Variants in MACROD2 observed in about 807,000 individuals in gnomAD.
The protein encoded by MACROD2 is ADP-ribose glycohydrolase MACROD2.
Under a neutral mutation model 70.4 loss-of-function variants are expected in MACROD2, and 36 were observed. The observed-to-expected ratio is 0.51, with a 90% CI of 0.39 to 0.68. The LOEUF (loss-of-function observed/expected upper bound fraction) is 0.68. MACROD2 is among the 30% of genes least tolerant of loss of function. MACROD2 has a pLI of 0.00. For synonymous variants in MACROD2, 172 were observed against 178.8 expected (o/e 0.96, Z 0.30); for missense variants, 496 against 538.4 (o/e 0.92, Z 0.78).
chr20:15,809,095 A>G (rs1439482084), intron 8 of MACROD2, among the ~76,000 whole-genome samples: 1 of 152,202 alleles, frequency 6.6e-6, no homozygotes, highest in East Asian at 1.9e-4. Context: ...GCCATTTTCT[A>G]TGTAGCAGTC....
intron 6 of MACROD2, among the ~76,000 whole-genome samples, chr20:15,335,959 G>A (rs1390072985): frequency 6.6e-6 from 1 of 151,568 alleles, no homozygotes; most frequent in East Asian, 1.9e-4. Context: ...CTAGCCTTCA[G>A]ACCTTTTCTC....
At chr20:15,598,406 G>A (rs1247779608) in intron 8 of MACROD2, among the ~76,000 whole-genome samples, 1 of 152,094 alleles carries the variant, frequency 6.6e-6, no homozygotes, top group African/African-American at 2.4e-5. Flanking sequence ...AAATTAAGTT[G>A]CTTTGTTCCA....
intron 3 of MACROD2, among the ~76,000 whole-genome samples, chr20:14,232,527 T>C (rs1271590598): frequency 6.6e-6 from 1 of 152,250 alleles, no homozygotes. Flanking sequence ...ACTTTTATGT[T>C]ATGGAGATGG....
intron 3 of MACROD2, among the ~76,000 whole-genome samples, chr20:14,291,994 A>G (rs2082390000): frequency 6.6e-6 from 1 of 151,932 alleles, no homozygotes; most frequent in African/African-American, 2.4e-5. Flanking sequence ...GCAAAGGTGT[A>G]GTTTTCCCTG....
chr20:15,031,518 A>T (rs76585841), intron 5 of MACROD2, among the ~76,000 whole-genome samples: 1 of 152,224 alleles, frequency 6.6e-6, no homozygotes, highest in African/African-American at 2.4e-5. Context: ...AGTGGGTAGC[A>T]CCTTTCCTCA....
In MACROD2 at chr20:15,595,021, A is replaced by G. The variant is rs466871; in HGVS notation, c.645+95174A>G. Among the ~76,000 whole-genome samples, 719 of 152,112 alleles carry G rather than the reference A, an allele frequency of 4.7e-3. 4 individuals carry two copies. Among genetic ancestry groups the G allele is most frequent in the Middle Eastern group, 0.017 (5 of 294 alleles). On this transcript the variant is annotated intron_variant, in intron 8 of 17. Transcript: ENST00000684519. Reference sequence around the variant, plus strand: ...TTACTTCATTGTCTTTACTCTTCCCAGTGTTGCTTTTTGAGCTTGATACCA... The same window carrying G: ...TTACTTCATTGTCTTTACTCTTCCCGGTGTTGCTTTTTGAGCTTGATACCA...
Position 15,932,381 on chromosome 20 carries a change from C to G in MACROD2, c.776-895C>G, listed in dbSNP as rs535910521. Among the ~76,000 whole-genome samples the G allele has an allele frequency of 4.6e-5, 7 of 152,224 alleles. No individual in the cohort carries two copies. The South Asian group carries it at 1.2e-3, about 27-fold the overall frequency. On this transcript the variant is annotated intron_variant, in intron 10 of 17. Transcript: ENST00000684519. Reference sequence around the variant, plus strand: ...CATTGGTCTAAAGAAGTTTCACAGCCAGTCAGGACTTAAAGAGAAGGAATG... The same window carrying G: ...CATTGGTCTAAAGAAGTTTCACAGCGAGTCAGGACTTAAAGAGAAGGAATG...
chr20:16,015,104 G>T (rs1222896997), intron 15 of MACROD2, among the ~76,000 whole-genome samples: 2 of 152,080 alleles, frequency 1.3e-5, no homozygotes. Context: ...TGCCCTTAAA[G>T]ACTAAGAAGG....
At chr20:15,844,912 AAGCATAAAAATAT>A (rs1327621229) in intron 8 of MACROD2, among the ~76,000 whole-genome samples, 3 of 152,172 alleles carry the variant, frequency 2.0e-5, no homozygotes, top group Non-Finnish European at 2.9e-5. Context: ...TTTTTATAGA[AAGCATAAAAATAT>A]GTTGCAAGAA....
At chr20:14,751,173 C>G (rs1600624826) in intron 5 of MACROD2, among the ~76,000 whole-genome samples, 1 of 152,152 alleles carries the variant, frequency 6.6e-6, no homozygotes, top group East Asian at 1.9e-4. Flanking sequence ...TGAGCCCAGC[C>G]CTCCTTGGGC....
rs141029958 is a variant in MACROD2, at chr20:14,326,258, A to T, written c.272-167221A>T. The T allele has an allele frequency of 6.2e-7, 1 of 1,613,898 alleles. No homozygotes were observed. The highest frequency in any genetic ancestry group is 1.7e-5 in the Admixed American group (1 of 59,996). ...ATATGAATGGTATCAGAGGTGACAG[A>T]CTTCACAGTAATTGTAATTGTTTTT... On this transcript the variant is annotated intron_variant, in intron 3 of 17. Transcript: ENST00000684519. The surrounding 1 kb of genome is among the most constrained non-coding windows in gnomAD (Gnocchi z 5.5).
At chr20:15,446,120 C>G (rs1203527874) in intron 7 of MACROD2, among the ~76,000 whole-genome samples, 2 of 152,146 alleles carry the variant, frequency 1.3e-5, no homozygotes, top group African/African-American at 4.8e-5. Context: ...CTCTAGGTCC[C>G]CATTCTCTCC....
chr20:14,683,459 T>C (rs1431083654), intron 4 of MACROD2, among the ~76,000 whole-genome samples: 1 of 152,194 alleles, frequency 6.6e-6, no homozygotes, highest in Non-Finnish European at 1.5e-5. Flanking sequence ...TTGCAAAACA[T>C]GCAGTGTAGC....
At chr20:14,679,450 A>C (rs1465255060) in intron 4 of MACROD2, among the ~76,000 whole-genome samples, 1 of 152,138 alleles carries the variant, frequency 6.6e-6, no homozygotes, top group Admixed American at 6.6e-5. Context: ...AGTTGGGAGG[A>C]TAAGTTGGAA....
chr20:14,320,267 A>G (rs1467837378), intron 3 of MACROD2, among the ~76,000 whole-genome samples: 3 of 151,896 alleles, frequency 2.0e-5, no homozygotes, highest in African/African-American at 7.3e-5. Context: ...GTATCTTTTT[A>G]ATTAAAGCTT....
chr20:15,657,722 G>A (rs919170198), intron 8 of MACROD2, among the ~76,000 whole-genome samples: 1 of 152,206 alleles, frequency 6.6e-6, no homozygotes, highest in Admixed American at 6.5e-5. Context: ...GCTGGGCGTG[G>A]TGGCTCACGC....
chr20:14,138,541 C>G (rs1317708718), intron 3 of MACROD2, among the ~76,000 whole-genome samples: 1 of 152,020 alleles, frequency 6.6e-6, no homozygotes, highest in African/African-American at 2.4e-5. Context: ...TATGTGGAAT[C>G]TAAAACAGTT....
intron 5 of MACROD2, chr20:14,934,814 TA>T (rs1177164760): frequency 6.7e-6 from 1 of 150,112 alleles, no homozygotes; most frequent in Non-Finnish European, 1.5e-5. Flanking sequence ...TAAAATAAAA[TA>T]ATAAAAGAAA....
At position 15,784,034 on chromosome 20, in the gene MACROD2, C is replaced by T. The variant is rs866029193; in HGVS notation, c.646-78711C>T. ...CACTTCTTCCCCTCAACATTTCTTG[C>T]GATATTCCTTGAAAGAAAAGTTAGT... On this transcript the variant is annotated intron_variant, in intron 8 of 17. Transcript: ENST00000684519. Among the ~76,000 whole-genome samples the T allele has an allele frequency of 9.9e-5, 15 of 152,212 alleles. No homozygotes were observed. In the Middle Eastern group the frequency reaches 0.014, roughly 138 times the overall value.
Sources: allele counts gnomAD v4.1 joint callset (sites outside exome capture counted in the v4.1 genomes callset), GRCh38; gene constraint gnomAD v4.1.1; non-coding constraint Gnocchi (gnomAD v3.1); transcripts MANE v1.5; gene names NCBI Gene and HGNC (gene_info 2026-07-23, HGNC 2026-07-21).